Variants in DEUP1 observed in about 807,000 individuals in gnomAD.
The protein encoded by DEUP1 is coiled-coil domain containing 67.
A neutral mutation model predicts 87.4 loss-of-function variants in DEUP1; 82 were observed. The ratio of observed to expected loss-of-function variants is 0.94; its 90% CI spans 0.78 to 1.13. DEUP1 has a LOEUF of 1.13. DEUP1 is among the 50% of genes most tolerant of loss of function. The pLI, the probability that DEUP1 is intolerant of heterozygous loss-of-function variation, is 0.00. For missense variants in DEUP1, 663 were observed against 681.5 expected, an observed-to-expected ratio of 0.97 and a Z score of 0.30; for synonymous variants, 214 against 222.7, an observed-to-expected ratio of 0.96 and a Z score of 0.35.
At chr11:93,399,818 T>C (rs1422654329) in intron 11 of DEUP1, among the ~76,000 whole-genome samples, 1 of 151,894 alleles carries the variant, frequency 6.6e-6, no homozygotes, top group East Asian at 1.9e-4. Context: ...GTAGGTTTTT[T>C]TTCTTTTTGA....
intron 7 of DEUP1, chr11:93,383,652 T>C: frequency 1.5e-6 from 1 of 645,480 alleles, no homozygotes; most frequent in South Asian, 1.9e-5. Flanking sequence ...AATAATTCAA[T>C]AATATTGATT....
chr11:93,371,422 G>A (rs775081713), intron 7 of DEUP1, 142 bp downstream of exon 7: 54 of 919,446 alleles, frequency 5.9e-5, no homozygotes, highest in Middle Eastern at 3.4e-4. Context: ...TTAGTAATTC[G>A]CACTTGATGC....
intron 2 of DEUP1, among the ~76,000 whole-genome samples, chr11:93,341,346 T>C (rs1182698022): frequency 6.6e-6 from 1 of 152,090 alleles, no homozygotes; most frequent in Non-Finnish European, 1.5e-5. Flanking sequence ...TTGAGCTTCT[T>C]CCTCATTTTC....
chr11:93,404,480 T>C (rs1947211158), intron 11 of DEUP1, among the ~76,000 whole-genome samples: 1 of 152,078 alleles, frequency 6.6e-6, no homozygotes, highest in African/African-American at 2.4e-5. Flanking sequence ...AAAAAATTAG[T>C]ACCCTTACAA....
At chr11:93,360,448 A>T (rs1479664851) in intron 4 of DEUP1, among the ~76,000 whole-genome samples, 1 of 152,246 alleles carries the variant, frequency 6.6e-6, no homozygotes, top group African/African-American at 2.4e-5. Context: ...AACTTGAATA[A>T]GAAAAGACAC....
At chr11:93,361,217 C>A (rs770944782) in intron 4 of DEUP1, among the ~76,000 whole-genome samples, 2 of 152,064 alleles carry the variant, frequency 1.3e-5, no homozygotes, top group Non-Finnish European at 2.9e-5. Flanking sequence ...TTAAAACATT[C>A]TCAAACGAAG....
intron 2 of DEUP1, among the ~76,000 whole-genome samples, chr11:93,341,103 C>T (rs925764309): frequency 2.6e-5 from 4 of 152,226 alleles, no homozygotes; most frequent in Admixed American, 2.0e-4. Context: ...TTTGGATATA[C>T]ATTGTTTATT....
At chr11:93,380,580 T>G (rs1447103249) in intron 7 of DEUP1, among the ~76,000 whole-genome samples, 1 of 152,004 alleles carries the variant, frequency 6.6e-6, no homozygotes, top group Non-Finnish European at 1.5e-5. Context: ...TTTTTTTGTA[T>G]TTTTAGTAGA....
chr11:93,427,284 T>C (rs1947951688), intron 13 of DEUP1, among the ~76,000 whole-genome samples: 1 of 151,098 alleles, frequency 6.6e-6, no homozygotes, highest in Non-Finnish European at 1.5e-5. Flanking sequence ...GAAATATAGA[T>C]CAATGGAACA....
chr11:93,346,106 A>G (rs780404018), intron 2 of DEUP1, among the ~76,000 whole-genome samples: 2 of 152,188 alleles, frequency 1.3e-5, no homozygotes, highest in Non-Finnish European at 2.9e-5. Flanking sequence ...CATTTATTGA[A>G]TAAGGAGTTT....
intron 4 of DEUP1, among the ~76,000 whole-genome samples, chr11:93,363,552 T>G (rs943415134): frequency 6.6e-6 from 1 of 151,838 alleles, no homozygotes; most frequent in African/African-American, 2.4e-5. Flanking sequence ...AGAAATTTCC[T>G]CACAAATGTT....
At chr11:93,339,656 A>T (rs1943957210) in intron 2 of DEUP1, among the ~76,000 whole-genome samples, 1 of 152,190 alleles carries the variant, frequency 6.6e-6, no homozygotes, top group African/African-American at 2.4e-5. Context: ...ACCCCAAGGG[A>T]GACTTACCAT....
At chr11:93,415,619 T>G (rs1011814566) in intron 13 of DEUP1, among the ~76,000 whole-genome samples, 3 of 151,942 alleles carry the variant, frequency 2.0e-5, no homozygotes, top group African/African-American at 7.3e-5. Context: ...CCCACTCATG[T>G]TCCCTTCCAG....
At chr11:93,405,372 C>T (rs116253429) in intron 11 of DEUP1, among the ~76,000 whole-genome samples, 396 of 152,028 alleles carry the variant, frequency 2.6e-3, no homozygotes, top group African/African-American at 9.1e-3. Flanking sequence ...ATTTATGCCT[C>T]TCAAAAAGAA....
intron 7 of DEUP1, among the ~76,000 whole-genome samples, chr11:93,378,357 A>G (rs1946138786): frequency 6.6e-6 from 1 of 151,898 alleles, no homozygotes; most frequent in African/African-American, 2.4e-5. Flanking sequence ...CTTGTTTTCA[A>G]GCTCTGAAGT....
At chr11:93,363,886 T>A (rs1403731483) in intron 4 of DEUP1, among the ~76,000 whole-genome samples, 2 of 151,918 alleles carry the variant, frequency 1.3e-5, no homozygotes, top group African/African-American at 4.8e-5. Flanking sequence ...CTGCATATGA[T>A]TAAAACAAAA....
intron 2 of DEUP1, among the ~76,000 whole-genome samples, 164 bp from the exon 3 acceptor site, chr11:93,355,207 T>G (rs752469381): frequency 2.6e-5 from 4 of 152,236 alleles, no homozygotes; most frequent in Non-Finnish European, 5.9e-5. Context: ...GAAATTGGCT[T>G]TATTAATTTT....
At chr11:93,347,858 G>C (rs1049710077) in intron 2 of DEUP1, among the ~76,000 whole-genome samples, 2 of 152,110 alleles carry the variant, frequency 1.3e-5, no homozygotes, top group African/African-American at 4.8e-5. Flanking sequence ...TCCTGCCTCA[G>C]CCTCCTGAGT....
intron 5 of DEUP1, among the ~76,000 whole-genome samples, chr11:93,365,296 C>T (rs921566357): frequency 3.3e-5 from 5 of 152,104 alleles, no homozygotes; most frequent in African/African-American, 4.8e-5. Context: ...AAGTCCAGCA[C>T]ATTTTACATG....
Sources: gnomAD v4.1 joint callset for allele counts (sites outside exome capture counted in the v4.1 genomes callset) on GRCh38, gnomAD v4.1.1 for gene constraint, MANE v1.5 for transcripts, NCBI Gene and HGNC (gene_info 2026-07-23, HGNC 2026-07-21) for gene names.